The following AGBL1 variants were observed in gnomAD, a reference collection of about 807,000 sequenced individuals.
The protein encoded by AGBL1 is AGBL carboxypeptidase 1, also known as cytosolic carboxypeptidase 4.
Under a neutral mutation model 118.9 loss-of-function variants are expected in AGBL1, and 130 were observed. The observed-to-expected ratio is 1.09, with a 90% CI of 0.95 to 1.26. AGBL1 has a LOEUF of 1.26. Ranked by LOEUF, AGBL1 falls within the 50% of genes most tolerant of loss-of-function variation. AGBL1 has a pLI of 0.00. For missense variants in AGBL1, 1,584 were observed against 1,298.1 expected, an observed-to-expected ratio of 1.22 and a Z score of -3.38; for synonymous variants, 555 against 478.9, an observed-to-expected ratio of 1.16 and a Z score of -2.08.
chr15:86,852,143 G>A (rs558045218), intron 22 of AGBL1, among the ~76,000 whole-genome samples: 18 of 152,188 alleles, frequency 1.2e-4, no homozygotes, highest in African/African-American at 4.3e-4. Context: ...TCACAGTTCC[G>A]CATGGCTGGA....
chr15:86,607,664 C>T (rs1252462196), intron 21 of AGBL1, among the ~76,000 whole-genome samples: 1 of 152,158 alleles, frequency 6.6e-6, no homozygotes, highest in African/African-American at 2.4e-5. Context: ...TAATGACTTA[C>T]TATGTTGAAC....
chr15:86,740,150 T>C (rs759703086), intron 22 of AGBL1, among the ~76,000 whole-genome samples: 4 of 152,372 alleles, frequency 2.6e-5, no homozygotes, highest in Middle Eastern at 3.4e-3. Flanking sequence ...TTTCATTCAC[T>C]ACAGCTCAGT....
At chr15:86,818,482 A>G (rs1246610050) in intron 22 of AGBL1, among the ~76,000 whole-genome samples, 1 of 152,244 alleles carries the variant, frequency 6.6e-6, no homozygotes, top group Non-Finnish European at 1.5e-5. Flanking sequence ...GAGGTGGAAC[A>G]GTTTCATTCA....
chr15:86,198,757 C>G (rs1357296615), intron 5 of AGBL1, among the ~76,000 whole-genome samples: 1 of 151,966 alleles, frequency 6.6e-6, no homozygotes, highest in Non-Finnish European at 1.5e-5. Context: ...TGTCTGCAAG[C>G]CAAGAAGGGC....
chr15:86,185,493 C>T (rs1009796982), intron 5 of AGBL1, among the ~76,000 whole-genome samples: 1 of 152,120 alleles, frequency 6.6e-6, no homozygotes, highest in Admixed American at 6.5e-5. Flanking sequence ...ATAGCAAAGA[C>T]TTGGAACCAA....
chr15:86,640,386 G>A (rs752555858), intron 21 of AGBL1, among the ~76,000 whole-genome samples: 1 of 152,106 alleles, frequency 6.6e-6, no homozygotes, highest in Non-Finnish European at 1.5e-5. Flanking sequence ...ATAGAAATGA[G>A]ATAATAGAAG....
chr15:86,916,057 T>C lies in AGBL1; in HGVS notation c.*8763T>C, dbSNP rs1363699480. The C allele has an allele frequency of 2.0e-5, 3 of 152,210 alleles. No homozygotes were observed. The highest frequency in any genetic ancestry group is 2.9e-5 in the Non-Finnish European group (2 of 68,038). The allele number at this position is 152,210 out of a possible 1,614,324, so 9.4% of individuals were successfully genotyped here. On this transcript the variant is annotated 3_prime_UTR_variant, in exon 23 of 23. Coordinates refer to ENST00000614907, the MANE Select transcript of AGBL1 (RefSeq NM_001386094.1). ...CAATCACCGACTGTCCTGTCTACAT[T>C]AGCATTCACCCCGGGTGTCTATAAT...
chr15:86,199,156 G>A (rs2077864638), intron 5 of AGBL1, among the ~76,000 whole-genome samples: 1 of 152,016 alleles, frequency 6.6e-6, no homozygotes, highest in Non-Finnish European at 1.5e-5. Flanking sequence ...TACAAGTTGT[G>A]TATTACCATT....
intron 21 of AGBL1, among the ~76,000 whole-genome samples, chr15:86,574,297 G>T (rs1401884508): frequency 6.6e-6 from 1 of 152,150 alleles, no homozygotes; most frequent in African/African-American, 2.4e-5. Context: ...TGCACCATCT[G>T]GTCCCTTCTG....
chr15:86,781,857 G>T (rs868826364), intron 22 of AGBL1, among the ~76,000 whole-genome samples: 13 of 151,362 alleles, frequency 8.6e-5, no homozygotes, highest in African/African-American at 3.2e-4. Context: ...ATCATCTACT[G>T]GGAAGAACAA....
At chr15:86,545,765 C>T (rs1035876443) in intron 19 of AGBL1, among the ~76,000 whole-genome samples, 1 of 152,108 alleles carries the variant, frequency 6.6e-6, no homozygotes, top group Non-Finnish European at 1.5e-5. Flanking sequence ...CTATTCACTC[C>T]TAAGACCCTT....
intron 23 of AGBL1, among the ~76,000 whole-genome samples, chr15:86,978,878 CAG>C (rs1370888362): frequency 6.6e-6 from 1 of 152,176 alleles, no homozygotes; most frequent in African/African-American, 2.4e-5. Flanking sequence ...TGGATCCAGT[CAG>C]GGGGAACCCA....
At chr15:86,275,784 A>C (rs1407984577) in intron 15 of AGBL1, among the ~76,000 whole-genome samples, 1 of 152,218 alleles carries the variant, frequency 6.6e-6, no homozygotes, top group Non-Finnish European at 1.5e-5. Flanking sequence ...GCTAATCTTC[A>C]AGATCACTCC....
chr15:86,483,641 G>A (rs1042211316), intron 18 of AGBL1, among the ~76,000 whole-genome samples: 2 of 152,068 alleles, frequency 1.3e-5, no homozygotes, highest in Non-Finnish European at 2.9e-5. Flanking sequence ...GGGAAAAGTT[G>A]ATGATTACTT....
At chr15:86,662,482 C>G (rs909773258) in intron 21 of AGBL1, among the ~76,000 whole-genome samples, 1 of 152,174 alleles carries the variant, frequency 6.6e-6, no homozygotes, top group African/African-American at 2.4e-5. Flanking sequence ...AGCTGACTAC[C>G]AAAATACTCC....
intron 5 of AGBL1, among the ~76,000 whole-genome samples, chr15:86,210,709 A>G (rs1400761690): frequency 1.3e-5 from 2 of 152,096 alleles, no homozygotes; most frequent in Admixed American, 6.5e-5. Flanking sequence ...TTAGTTAGCC[A>G]TTCGTCTAAT....
intron 23 of AGBL1, among the ~76,000 whole-genome samples, chr15:86,969,762 G>C (rs781120401): frequency 6.6e-6 from 1 of 151,920 alleles, no homozygotes; most frequent in Non-Finnish European, 1.5e-5. Flanking sequence ...TGGGAAGAAG[G>C]AGAAAATGGA....
intron 23 of AGBL1, among the ~76,000 whole-genome samples, chr15:86,980,111 A>T (rs915836305): frequency 6.6e-6 from 1 of 151,802 alleles, no homozygotes; most frequent in East Asian, 1.9e-4. Flanking sequence ...TTTAACCTCA[A>T]TCCTGAATTC....
chr15:86,278,787 C>A (rs2079300358), intron 15 of AGBL1, among the ~76,000 whole-genome samples: 1 of 152,194 alleles, frequency 6.6e-6, no homozygotes, highest in Non-Finnish European at 1.5e-5. Flanking sequence ...GCAGCTGTCT[C>A]AGCATCAGTT....
Sources: allele counts gnomAD v4.1 joint callset (sites outside exome capture counted in the v4.1 genomes callset), GRCh38; gene constraint gnomAD v4.1.1; transcripts MANE v1.5; gene names NCBI Gene and HGNC (gene_info 2026-07-23, HGNC 2026-07-21).